CNTN4: variants seen among roughly 807,000 people sequenced by gnomAD.
The protein encoded by CNTN4 is contactin 4.
CNTN4 carries 77 observed loss-of-function variants against 122.5 expected under a neutral mutation model. The observed-to-expected ratio is 0.63, with a 90% CI of 0.52 to 0.76. CNTN4 has a LOEUF of 0.76. Among genes scored for constraint, CNTN4 ranks in the 30% least tolerant of loss-of-function variants. CNTN4 has a pLI of 0.00. For missense variants in CNTN4, 1,256 were observed against 1,259.1 expected (o/e 1.00, Z 0.04); for synonymous variants, 512 against 447.0 (o/e 1.15, Z -1.83).
At chr3:2,113,372 A>G (rs2033106093) in intron 2 of CNTN4, among the ~76,000 whole-genome samples, 1 of 152,154 alleles carries the variant, frequency 6.6e-6, no homozygotes, top group African/African-American at 2.4e-5. Context: ...TTATATAGAA[A>G]TTTGCCCATG....
At chr3:2,943,630 A>ATATT (rs1553702084) in intron 13 of CNTN4, among the ~76,000 whole-genome samples, 2,053 of 128,178 alleles carry the variant, frequency 0.016, 32 homozygotes, top group African/African-American at 0.027. Flanking sequence ...ATATATATAT[A>ATATT]TTTTTTTTTT....
chr3:2,848,824 A>G (rs1309050729), intron 7 of CNTN4, among the ~76,000 whole-genome samples: 1 of 152,208 alleles, frequency 6.6e-6, no homozygotes, highest in Non-Finnish European at 1.5e-5. Flanking sequence ...TGGTGAGTGG[A>G]GGATATGAGG....
chr3:2,520,565 C>T (rs1379978259), intron 3 of CNTN4, among the ~76,000 whole-genome samples: 2 of 151,992 alleles, frequency 1.3e-5, no homozygotes. Context: ...TGAGTCACCA[C>T]ATCCAGCCCT....
At chr3:2,744,084 A>C (rs2089621705) in intron 5 of CNTN4, among the ~76,000 whole-genome samples, 1 of 152,074 alleles carries the variant, frequency 6.6e-6, no homozygotes, top group Non-Finnish European at 1.5e-5. Context: ...CGAAGTGCCG[A>C]GATTACAGGC....
At chr3:2,817,717 A>G (rs950088122) in intron 6 of CNTN4, among the ~76,000 whole-genome samples, 4 of 152,132 alleles carry the variant, frequency 2.6e-5, no homozygotes, top group African/African-American at 9.7e-5. Context: ...TTTTCATGCA[A>G]CTCTGGAAAT....
chr3:2,662,852 G>A (rs1167121143), intron 4 of CNTN4, among the ~76,000 whole-genome samples: 1 of 152,130 alleles, frequency 6.6e-6, no homozygotes. Context: ...CAGCGCTTTG[G>A]GAGGCTGAGG....
chr3:2,446,928 A>G (rs1490376330), intron 3 of CNTN4, among the ~76,000 whole-genome samples: 1 of 152,186 alleles, frequency 6.6e-6, no homozygotes, highest in Non-Finnish European at 1.5e-5. Context: ...TGTGAGGATC[A>G]TATACTAGTA....
intron 3 of CNTN4, among the ~76,000 whole-genome samples, chr3:2,407,407 T>C (rs1001945667): frequency 9.9e-5 from 15 of 152,186 alleles, no homozygotes; most frequent in Non-Finnish European, 1.9e-4. Context: ...TTGTTTTGGC[T>C]AATCAGTTTA....
At chr3:2,288,861 T>C (rs1461277134) in intron 2 of CNTN4, among the ~76,000 whole-genome samples, 1 of 152,168 alleles carries the variant, frequency 6.6e-6, no homozygotes, top group Non-Finnish European at 1.5e-5. Context: ...GATGTTTGTC[T>C]TGAATGTTCA....
chr3:2,241,252 A>C (rs138990115), intron 2 of CNTN4, among the ~76,000 whole-genome samples: 79 of 152,344 alleles, frequency 5.2e-4, no homozygotes, highest in Middle Eastern at 3.4e-3. Context: ...AGTTGTAGAT[A>C]TCATAATTAC....
rs1421032845 is a variant in CNTN4, at chr3:2,385,821, G to C, written c.-89+46588G>C. Among the ~76,000 whole-genome samples the C allele has an allele frequency of 1.3e-5, 2 of 151,926 alleles. No individual in the cohort carries two copies. Among genetic ancestry groups the C allele is most frequent in the Non-Finnish European group, 2.9e-5 (2 of 68,014 alleles). On this transcript the variant is annotated intron_variant, in intron 3 of 24. Transcript: ENST00000418658. This position sits in a 1 kb window ranked among gnomAD's most constrained non-coding sequence, Gnocchi z 4.0. ...TTGCAAAGACCCTGCTTCCAAATAA[G>C]GTCACATTCACACGTACCAGGGGTC...
intron 13 of CNTN4, among the ~76,000 whole-genome samples, chr3:2,927,877 A>G (rs916115291): frequency 5.3e-5 from 8 of 152,192 alleles, no homozygotes; most frequent in Admixed American, 3.3e-4. Context: ...CTAGTCCCAA[A>G]CTATCAATAT....
In CNTN4 at chr3:2,210,342, C is replaced by G. The variant is rs139685219; in HGVS notation, c.-145+109703C>G. Among the ~76,000 whole-genome samples the G allele has an allele frequency of 8.0e-3, 1,225 of 152,210 alleles. 24 individuals are homozygous for G. Among genetic ancestry groups the G allele is most frequent in the African/African-American group, 0.028 (1,166 of 41,534 alleles). On this transcript the variant is annotated intron_variant, in intron 2 of 24. Coordinates refer to ENST00000418658, the MANE Select transcript of CNTN4 (RefSeq NM_175607.3). ...TATTATTGTAGGAGAATAGACTTCC[C>G]AGGACCCTGAGGAGCTGGAGGAGGT... is the stretch of plus-strand genomic sequence containing the variant.
intron 2 of CNTN4, among the ~76,000 whole-genome samples, chr3:2,133,741 CTTGAA>C (rs1254464085): frequency 6.6e-6 from 1 of 150,560 alleles, no homozygotes; most frequent in African/African-American, 2.4e-5. Context: ...TGTCTTGCAA[CTTGAA>C]TTGTTGTTAG....
intron 2 of CNTN4, among the ~76,000 whole-genome samples, chr3:2,195,587 A>G (rs1214223332): frequency 1.3e-5 from 2 of 152,232 alleles, no homozygotes; most frequent in Admixed American, 1.3e-4. Flanking sequence ...TGGGAGGGAA[A>G]TTAGCATGTG....
At chr3:3,054,831 A>G (rs1208543226) in intron 24 of CNTN4, among the ~76,000 whole-genome samples, 1 of 152,200 alleles carries the variant, frequency 6.6e-6, no homozygotes, top group East Asian at 1.9e-4. Context: ...ATGAGTTAAA[A>G]TGCTAATTTT....
At chr3:3,004,335 A>G (rs1696381031) in intron 14 of CNTN4, among the ~76,000 whole-genome samples, 1 of 151,756 alleles carries the variant, frequency 6.6e-6, no homozygotes, top group South Asian at 2.1e-4. Context: ...ACAGCCCTCC[A>G]CTCTATTCCT....
chr3:2,908,918 A>G (rs771464877), intron 12 of CNTN4, among the ~76,000 whole-genome samples: 2 of 152,164 alleles, frequency 1.3e-5, no homozygotes, highest in African/African-American at 2.4e-5. Flanking sequence ...GGTGGAACAC[A>G]TCTGACCCTG....
intron 3 of CNTN4, among the ~76,000 whole-genome samples, chr3:2,383,728 C>G (rs1016452007): frequency 6.7e-6 from 1 of 149,336 alleles, no homozygotes; most frequent in Non-Finnish European, 1.5e-5. Flanking sequence ...TCTTCTGTCT[C>G]TCCCTCTTCT....
Sources: gnomAD v4.1 joint callset for allele counts (sites outside exome capture counted in the v4.1 genomes callset) on GRCh38, gnomAD v4.1.1 for gene constraint, Gnocchi (gnomAD v3.1) non-coding constraint, MANE v1.5 for transcripts, NCBI Gene and HGNC (gene_info 2026-07-23, HGNC 2026-07-21) for gene names.